The following CNOT9 variants were observed in gnomAD, a reference collection of about 807,000 sequenced individuals.
CNOT9 encodes the protein CCR4-NOT transcription complex subunit 9.
CNOT9 carries 8 observed loss-of-function variants against 37.4 expected under a neutral mutation model. The ratio of observed to expected loss-of-function variants is 0.21; its 90% CI spans 0.13 to 0.39. The LOEUF is 0.39. Among genes scored for constraint, CNOT9 ranks in the 10% least tolerant of loss-of-function variants. CNOT9 has a pLI of 1.00. For synonymous variants in CNOT9, 120 were observed against 137.6 expected (o/e 0.87, Z 0.90); for missense variants, 154 against 365.3 (o/e 0.42, Z 4.71).
At chr2:218,580,928 T>C in intron 2 of CNOT9, 188 bp downstream of exon 2, 1 of 675,920 alleles carries the variant, frequency 1.5e-6, no homozygotes, top group Non-Finnish European at 2.7e-6. Context: ...ACCCAAGAGA[T>C]TCAATTTAGT....
chr2:218,575,143 G>A (rs1486865306), intron 1 of CNOT9, among the ~76,000 whole-genome samples: 1 of 152,034 alleles, frequency 6.6e-6, no homozygotes. Flanking sequence ...GAGCAAAACT[G>A]GATTTTGAAG....
chr2:218,589,077 A>G (rs1694692014), intron 5 of CNOT9: 1 of 151,874 alleles, frequency 6.6e-6, no homozygotes, highest in Non-Finnish European at 1.5e-5. Flanking sequence ...ACTGCTGACA[A>G]TTTTGGGTAG....
intron 1 of CNOT9, among the ~76,000 whole-genome samples, chr2:218,576,749 C>T (rs774037775): frequency 3.3e-5 from 5 of 152,190 alleles, no homozygotes; most frequent in Non-Finnish European, 7.3e-5. Flanking sequence ...AGGCAGATCA[C>T]TTCAGGTCAG....
At chr2:218,583,167 G>A in intron 3 of CNOT9, 81 bp downstream of exon 3, 2 of 819,878 alleles carry the variant, frequency 2.4e-6, no homozygotes, top group Non-Finnish European at 4.1e-6. Context: ...AAAAGGAAGG[G>A]CATGGAGGAG....
rs1467181281 is a variant in CNOT9, at chr2:218,594,388, A to G, written c.*112A>G. On this transcript the variant is annotated 3_prime_UTR_variant, in exon 8 of 8. Coordinates refer to ENST00000273064, the MANE Select transcript of CNOT9 (RefSeq NM_005444.3). ...CTGGGAATAGACAACCTCAATGCTG[A>G]ACCGCACTGGAGAAAAGGGGCAAGG... is the stretch of plus-strand genomic sequence containing the variant. 1 of 1,222,906 alleles carries G rather than the reference A, an allele frequency of 8.2e-7. No individual in the cohort carries two copies. The highest frequency in any genetic ancestry group is 1.5e-5 in the African/African-American group (1 of 66,350). 75.8% of individuals were successfully genotyped at this position (1,222,906 alleles called of 1,614,324 possible).
At chr2:218,574,544 A>G (rs980356418) in intron 1 of CNOT9, among the ~76,000 whole-genome samples, 7 of 152,214 alleles carry the variant, frequency 4.6e-5, no homozygotes, top group Admixed American at 6.5e-5. Context: ...GAGACCAGAT[A>G]GAACTCATCG....
intron 5 of CNOT9, among the ~76,000 whole-genome samples, chr2:218,590,105 T>C (rs964054959): frequency 1.3e-5 from 2 of 152,070 alleles, no homozygotes; most frequent in Non-Finnish European, 2.9e-5. Flanking sequence ...TCTCACTCTG[T>C]CACCCAGGCT....
chr2:218,580,660 CTAAG>C lies in CNOT9; in HGVS notation c.129_132del (p.Ser43ArgfsTer28), dbSNP rs1475334457. The C allele has an allele frequency of 1.9e-6, 3 of 1,614,064 alleles. No individual in the cohort carries two copies. Among genetic ancestry groups the C allele is most frequent in the Admixed American group, 1.7e-5 (1 of 60,008 alleles). On this transcript the variant is annotated frameshift_variant, in exon 2 of 8. Coordinates refer to ENST00000273064, the MANE Select transcript of CNOT9 (RefSeq NM_005444.3). LOFTEE classifies it high-confidence loss of function. ...GACTAGGGAAAATGCTTTGCTGGAG[CTAAG>C]TAAGAAGCGAGAATCTGTTCCTGAC... is the stretch of plus-strand genomic sequence containing the variant.
At chr2:218,590,885 G>A (rs1166222377) in intron 5 of CNOT9, among the ~76,000 whole-genome samples, 2 of 152,040 alleles carry the variant, frequency 1.3e-5, no homozygotes, top group Non-Finnish European at 2.9e-5. Flanking sequence ...GAGTGCAGTG[G>A]CATGATCATA....
At chr2:218,569,514 C>G (rs945840958) in intron 1 of CNOT9, among the ~76,000 whole-genome samples, 6 of 152,214 alleles carry the variant, frequency 3.9e-5, no homozygotes, top group African/African-American at 1.4e-4. Context: ...CCCGCGTGAT[C>G]TTTTAACAAA....
intron 1 of CNOT9, among the ~76,000 whole-genome samples, chr2:218,575,811 G>A (rs1425931625): frequency 1.3e-5 from 2 of 152,098 alleles, no homozygotes; most frequent in Admixed American, 6.6e-5. Flanking sequence ...TTCCAGTAGA[G>A]AAGTCATAGA....
chr2:218,584,596 T>A lies in CNOT9; in HGVS notation c.321-16T>A. Reference sequence around the variant, plus strand: ...ATCAACCCTGGGCTGTGAATGTAATTATTGTTTTCTTCCAGGTCAGCGTTT... The same window carrying A: ...ATCAACCCTGGGCTGTGAATGTAATAATTGTTTTCTTCCAGGTCAGCGTTT... On this transcript the variant is annotated splice_polypyrimidine_tract_variant and intron_variant, in intron 3 of 7. Transcript: ENST00000273064. 1.3e-6 allele frequency: 2 copies of A among 1,582,700 alleles called. No homozygotes were observed. The highest frequency in any genetic ancestry group is 2.2e-5 in the South Asian group (2 of 90,410).
At chr2:218,591,669 G>C (rs976735655) in intron 5 of CNOT9, among the ~76,000 whole-genome samples, 1 of 151,934 alleles carries the variant, frequency 6.6e-6, no homozygotes, top group Non-Finnish European at 1.5e-5. Context: ...GTTGAACCAG[G>C]GTGGCAGAGG....
At chr2:218,586,196 G>A (rs919693423) in intron 4 of CNOT9, among the ~76,000 whole-genome samples, 5 of 152,042 alleles carry the variant, frequency 3.3e-5, no homozygotes, top group African/African-American at 1.2e-4. Context: ...TTTAGAAATT[G>A]GCAGGCTGAC....
intron 5 of CNOT9, among the ~76,000 whole-genome samples, chr2:218,587,999 T>A (rs1344884855): frequency 6.6e-6 from 1 of 152,192 alleles, no homozygotes; most frequent in Non-Finnish European, 1.5e-5. Context: ...CGGGCTTTTT[T>A]AAAATACATA....
chr2:218,579,266 T>C (rs1285908438), intron 1 of CNOT9, among the ~76,000 whole-genome samples: 1 of 152,230 alleles, frequency 6.6e-6, no homozygotes, highest in Admixed American at 6.5e-5. Flanking sequence ...AGAAATGTTA[T>C]ATGTAAATGT....
At chr2:218,571,475 A>G (rs571635545) in intron 1 of CNOT9, among the ~76,000 whole-genome samples, 1 of 152,316 alleles carries the variant, frequency 6.6e-6, no homozygotes, top group South Asian at 2.1e-4. Context: ...GATATTATTC[A>G]CTAGAAGGAA....
intron 1 of CNOT9, chr2:218,574,298 C>T (rs1046655016): frequency 1.7e-5 from 3 of 174,770 alleles, no homozygotes; most frequent in South Asian, 9.8e-5. Context: ...TAATAATCTA[C>T]GGTAATGTAC....
chr2:218,588,818 G>A (rs1694684935), intron 5 of CNOT9, among the ~76,000 whole-genome samples: 2 of 149,950 alleles, frequency 1.3e-5, no homozygotes, highest in African/African-American at 4.9e-5. Flanking sequence ...CAGATGATCC[G>A]CCCACCTTGG....
Sources: gnomAD v4.1 joint callset for allele counts (sites outside exome capture counted in the v4.1 genomes callset) on GRCh38, gnomAD v4.1.1 for gene constraint, MANE v1.5 for transcripts, NCBI Gene and HGNC (gene_info 2026-07-23, HGNC 2026-07-21) for gene names.